Variants in CLASP2 observed in about 807,000 individuals in gnomAD.
CLASP2 encodes CLIP-associating protein 2.
A neutral mutation model predicts 194.4 loss-of-function variants in CLASP2; 47 were observed. That is an observed-to-expected ratio of 0.24 (90% CI 0.19 to 0.31). The LOEUF (loss-of-function observed/expected upper bound fraction) is 0.31. Ranked by LOEUF, CLASP2 falls within the 10% of genes least tolerant of loss-of-function variation. CLASP2 has a pLI of 1.00. For synonymous variants in CLASP2, 619 were observed against 633.5 expected (o/e 0.98, Z 0.34); for missense variants, 1,445 against 1,823.6 (o/e 0.79, Z 3.78).
intron 12 of CLASP2, among the ~76,000 whole-genome samples, chr3:33,613,433 T>C (rs1440136328): frequency 1.3e-5 from 2 of 152,196 alleles, no homozygotes; most frequent in Non-Finnish European, 2.9e-5. Context: ...CTAGCTGAAA[T>C]AATCCTTTAA....
chr3:33,634,976 G>C (rs542633290), intron 8 of CLASP2, among the ~76,000 whole-genome samples: 5 of 152,128 alleles, frequency 3.3e-5, no homozygotes, highest in South Asian at 2.1e-4. Flanking sequence ...GAAATAAATG[G>C]AGAGCCAGGC....
intron 7 of CLASP2, among the ~76,000 whole-genome samples, chr3:33,652,605 G>A (rs954571581): frequency 2.6e-5 from 4 of 152,030 alleles, no homozygotes; most frequent in African/African-American, 4.8e-5. Flanking sequence ...CATTCTCAAC[G>A]GTTTTAAATA....
intron 23 of CLASP2, among the ~76,000 whole-genome samples, chr3:33,577,642 T>C (rs920395839): frequency 6.6e-6 from 1 of 152,196 alleles, no homozygotes; most frequent in African/African-American, 2.4e-5. Flanking sequence ...TAAATTACTA[T>C]TCAATTTTAC....
intron 6 of CLASP2, among the ~76,000 whole-genome samples, chr3:33,681,463 TC>T (rs922835088): frequency 2.4e-4 from 33 of 140,360 alleles, no homozygotes; most frequent in African/African-American, 7.6e-4. Context: ...CTTCCTGACA[TC>T]CCCCCACCAA....
At chr3:33,615,047 C>T (rs2075870810) in intron 12 of CLASP2, among the ~76,000 whole-genome samples, 1 of 151,756 alleles carries the variant, frequency 6.6e-6, no homozygotes, top group African/African-American at 2.4e-5. Context: ...TTTTTAGTCC[C>T]CATATTCTGA....
At chr3:33,681,655 T>C (rs1362133881) in intron 6 of CLASP2, among the ~76,000 whole-genome samples, 4 of 152,166 alleles carry the variant, frequency 2.6e-5, no homozygotes, top group Admixed American at 2.0e-4. Context: ...TTGGAGTACA[T>C]AAAGGTTTTA....
chr3:33,498,988 A>G (rs932764656), intron 38 of CLASP2, among the ~76,000 whole-genome samples: 1 of 152,128 alleles, frequency 6.6e-6, no homozygotes, highest in African/African-American at 2.4e-5. Context: ...TTCAAAATAT[A>G]TTGTAGGGAT....
At chr3:33,606,815 C>T in intron 15 of CLASP2, 57 bp from the exon 16 acceptor site, 2 of 1,270,102 alleles carry the variant, frequency 1.6e-6, no homozygotes, top group Non-Finnish European at 1.1e-6. Context: ...TAGACATTAA[C>T]AGTAACGTGT....
At chr3:33,557,263 G>A (rs1283193692) in intron 29 of CLASP2, among the ~76,000 whole-genome samples, 5 of 152,048 alleles carry the variant, frequency 3.3e-5, no homozygotes, top group East Asian at 1.9e-4. Flanking sequence ...TGTGAGCCAC[G>A]GTGCCCAGCC....
rs1302917372 is a variant in CLASP2 at position 33,619,746 on chromosome 3, G to A, written c.1182-8C>T. ...AAAACTGTTGAAAGGTGGCTACAAA[G>A]GAAGACAAAAAGTATTTTTTAATAG... On this transcript the variant is annotated splice_polypyrimidine_tract_variant and splice_region_variant and intron_variant, in intron 11 of 38. Transcript: ENST00000682230. The A allele has an allele frequency of 4.5e-6, 7 of 1,567,878 alleles. No individual in the cohort carries two copies. The highest frequency in any genetic ancestry group is 1.4e-5 in the African/African-American group (1 of 72,960).
chr3:33,688,142 AG>A (rs1171516814), intron 4 of CLASP2, 134 bp downstream of exon 4: 3 of 584,394 alleles, frequency 5.1e-6, no homozygotes, highest in Non-Finnish European at 5.9e-6. Context: ...TGAACAGTAA[AG>A]GTATCAAATG....
chr3:33,700,010 C>A (rs1174768049), intron 1 of CLASP2, among the ~76,000 whole-genome samples: 1 of 151,556 alleles, frequency 6.6e-6, no homozygotes, highest in South Asian at 2.1e-4. Flanking sequence ...GAATTCATTA[C>A]AAGAGACCTG....
intron 27 of CLASP2, among the ~76,000 whole-genome samples, chr3:33,562,776 C>T (rs2062007447): frequency 6.6e-6 from 1 of 152,140 alleles, no homozygotes; most frequent in South Asian, 2.1e-4. Flanking sequence ...CCTAGGTCAA[C>T]CTCCTATTTT....
chr3:33,587,960 G>C (rs1242817869), intron 21 of CLASP2, among the ~76,000 whole-genome samples: 1 of 152,186 alleles, frequency 6.6e-6, no homozygotes, highest in Non-Finnish European at 1.5e-5. Context: ...AGGAGAGACT[G>C]CAGAATTTCT....
At chr3:33,520,370 T>C (rs1304991298) in intron 34 of CLASP2, among the ~76,000 whole-genome samples, 1 of 152,216 alleles carries the variant, frequency 6.6e-6, no homozygotes, top group Admixed American at 6.5e-5. Context: ...GGATAATTTT[T>C]AAAAAGTTAT....
At chr3:33,655,594 C>A (rs1310570106) in intron 7 of CLASP2, among the ~76,000 whole-genome samples, 2 of 152,152 alleles carry the variant, frequency 1.3e-5, no homozygotes, top group Non-Finnish European at 2.9e-5. Context: ...AGCCTTCTTG[C>A]CAGTAAGTCA....
At chr3:33,511,030 A>ATTTTT (rs397875429) in intron 36 of CLASP2, among the ~76,000 whole-genome samples, 1 of 105,890 alleles carries the variant, frequency 9.4e-6, no homozygotes, top group Non-Finnish European at 2.0e-5. Flanking sequence ...TGGCTAAAGT[A>ATTTTT]TTTTTTTTTT....
chr3:33,624,747 C>G (rs1398528720), intron 10 of CLASP2, among the ~76,000 whole-genome samples: 1 of 151,954 alleles, frequency 6.6e-6, no homozygotes, highest in Non-Finnish European at 1.5e-5. Flanking sequence ...TATTTCCTGG[C>G]CATGGTTGAC....
chr3:33,577,086 T>A, intron 23 of CLASP2: 1 of 862,098 alleles, frequency 1.2e-6, no homozygotes, highest in Non-Finnish European at 1.7e-6. Context: ...CTCCAACAAA[T>A]TAAATTTAAA....
Sources: allele counts gnomAD v4.1 joint callset (sites outside exome capture counted in the v4.1 genomes callset), GRCh38; gene constraint gnomAD v4.1.1; transcripts MANE v1.5; gene names NCBI Gene and HGNC (gene_info 2026-07-23, HGNC 2026-07-21).